Variants in PRKN observed in about 807,000 individuals in gnomAD.
The protein encoded by PRKN is parkin RBR E3 ubiquitin protein ligase.
PRKN carries 56 observed loss-of-function variants against 59.5 expected under a neutral mutation model. That is an observed-to-expected ratio of 0.94 (90% confidence interval 0.76 to 1.18). The LOEUF is 1.18. Ranked by LOEUF, PRKN falls within the 50% of genes most tolerant of loss-of-function variation. The pLI is 0.00. For missense variants in PRKN, 657 were observed against 596.4 expected (o/e 1.10, Z -1.06); for synonymous variants, 250 against 222.1 (o/e 1.13, Z -1.12).
intron 2 of PRKN, among the ~76,000 whole-genome samples, chr6:162,393,917 A>G (rs140530484): frequency 2.6e-5 from 4 of 152,344 alleles, no homozygotes; most frequent in African/African-American, 9.6e-5. Flanking sequence ...ACTAAACCAT[A>G]TTATTTCTCA....
intron 1 of PRKN, among the ~76,000 whole-genome samples, chr6:162,455,164 A>G (rs1260864601): frequency 6.6e-6 from 1 of 152,106 alleles, no homozygotes; most frequent in Non-Finnish European, 1.5e-5. Flanking sequence ...AATACTGAAG[A>G]TGACGGTATC....
intron 7 of PRKN, among the ~76,000 whole-genome samples, chr6:161,679,878 C>A (rs185560320): frequency 1.4e-4 from 22 of 151,740 alleles, no homozygotes; most frequent in Admixed American, 1.3e-3. Flanking sequence ...CCTCAGCCCC[C>A]CCAGGAGCTG....
intron 6 of PRKN, among the ~76,000 whole-genome samples, chr6:161,919,944 G>C (rs1778715504): frequency 6.6e-6 from 1 of 152,178 alleles, no homozygotes. Flanking sequence ...TACATTCTGA[G>C]AAATAGGTCT....
intron 7 of PRKN, among the ~76,000 whole-genome samples, chr6:161,612,408 A>C (rs1355510304): frequency 6.6e-6 from 1 of 152,160 alleles, no homozygotes; most frequent in African/African-American, 2.4e-5. Flanking sequence ...CATTCCAAAA[A>C]TGCTAGGGCC....
At chr6:162,419,285 C>G (rs78162852) in intron 2 of PRKN, among the ~76,000 whole-genome samples, 5 of 151,974 alleles carry the variant, frequency 3.3e-5, no homozygotes, top group African/African-American at 1.2e-4. Flanking sequence ...TCTTCCTCAA[C>G]AAAAGGCTGG....
intron 4 of PRKN, among the ~76,000 whole-genome samples, chr6:162,189,535 A>G (rs1398520253): frequency 6.6e-6 from 1 of 151,332 alleles, no homozygotes; most frequent in Non-Finnish European, 1.5e-5. Context: ...TCAAATAATA[A>G]TAATAGTAAT....
intron 4 of PRKN, among the ~76,000 whole-genome samples, chr6:162,191,591 T>C (rs1214454617): frequency 6.6e-6 from 1 of 152,124 alleles, no homozygotes; most frequent in Non-Finnish European, 1.5e-5. Context: ...TATAGGCACA[T>C]GCCACCACAG....
rs1376480880 is a variant in PRKN at position 161,397,626 on chromosome 6, A to T, written c.1084-10749T>A. Reference sequence around the variant, plus strand: ...GTCACCTCAAATTCAAGTCACTTCTAATTCCACGTGATTATCATGAAGTTG... The same window carrying T: ...GTCACCTCAAATTCAAGTCACTTCTTATTCCACGTGATTATCATGAAGTTG... On this transcript the variant is annotated intron_variant, in intron 9 of 11. Coordinates refer to ENST00000366898, the MANE Select transcript of PRKN (RefSeq NM_004562.3). The surrounding 1 kb of genome is among the most constrained non-coding windows in gnomAD (Gnocchi z 4.2). Among the ~76,000 whole-genome samples, 1 of 152,166 alleles carries T rather than the reference A, an allele frequency of 6.6e-6. No individual in the cohort carries two copies. The highest frequency in any genetic ancestry group is 1.5e-5 in the Non-Finnish European group (1 of 68,040).
At chr6:161,918,605 G>A (rs1396127539) in intron 6 of PRKN, among the ~76,000 whole-genome samples, 1 of 152,106 alleles carries the variant, frequency 6.6e-6, no homozygotes, top group Non-Finnish European at 1.5e-5. Flanking sequence ...TATAATCATG[G>A]TGCATTATCT....
At chr6:161,726,770 G>C (rs1297093213) in intron 7 of PRKN, among the ~76,000 whole-genome samples, 16 of 152,194 alleles carry the variant, frequency 1.1e-4, no homozygotes, top group Non-Finnish European at 2.9e-5. Context: ...GTCAGATAGA[G>C]AGATGCCCTA....
chr6:162,395,139 G>A (rs1787411090), intron 2 of PRKN, among the ~76,000 whole-genome samples: 1 of 152,092 alleles, frequency 6.6e-6, no homozygotes, highest in African/African-American at 2.4e-5. Context: ...GTTACTCTGG[G>A]ATAACTAGCC....
Position 162,556,342 on chromosome 6 carries a change from G to GGTGTGTGT in PRKN, c.8-112877_8-112870dup, listed in dbSNP as rs202002846. On this transcript the variant is annotated intron_variant, in intron 1 of 11. Transcript: ENST00000366898. The stretch of plus-strand genomic sequence containing the variant: ...GAAACCAAGCAGTAACTACTCAGCT[G>GGTGTGTGT]GTGTGTGTGTGTGTGTGTGTGTGTG... 9.7e-3 allele frequency among the ~76,000 whole-genome samples: 554 copies of GGTGTGTGT among 57,126 alleles called. 12 individuals are homozygous for GGTGTGTGT. Among genetic ancestry groups the GGTGTGTGT allele is most frequent in the East Asian group, 0.045 (59 of 1,304 alleles). 37.5% of individuals were successfully genotyped at this position (57,126 alleles called of 152,430 possible).
At chr6:161,441,069 C>A (rs1789192700) in intron 9 of PRKN, among the ~76,000 whole-genome samples, 1 of 152,134 alleles carries the variant, frequency 6.6e-6, no homozygotes, top group Non-Finnish European at 1.5e-5. Context: ...CAGCTAAACA[C>A]CATCAGGGGT....
chr6:162,312,990 T>C (rs1237687799), intron 2 of PRKN, among the ~76,000 whole-genome samples: 2 of 152,180 alleles, frequency 1.3e-5, no homozygotes, highest in Non-Finnish European at 2.9e-5. Flanking sequence ...ATATCACATA[T>C]ATACCTTAAA....
intron 5 of PRKN, among the ~76,000 whole-genome samples, chr6:161,989,941 G>A (rs117654177): frequency 6.6e-6 from 1 of 152,218 alleles, no homozygotes; most frequent in Middle Eastern, 3.4e-3. Context: ...ATCACCTGGA[G>A]GCCTGAGCAC....
At chr6:161,594,952 G>A (rs539649667) in intron 7 of PRKN, among the ~76,000 whole-genome samples, 2 of 152,282 alleles carry the variant, frequency 1.3e-5, no homozygotes, top group African/African-American at 4.8e-5. Context: ...ATCAATACAA[G>A]TTCTTCAACT....
chr6:161,698,549 A>G (rs1249551059), intron 7 of PRKN, among the ~76,000 whole-genome samples: 1 of 152,082 alleles, frequency 6.6e-6, no homozygotes, highest in African/African-American at 2.4e-5. Context: ...AACAACTAAC[A>G]CTATCTGCTT....
chr6:162,208,199 G>C (rs1201548371), intron 3 of PRKN, among the ~76,000 whole-genome samples: 1 of 152,144 alleles, frequency 6.6e-6, no homozygotes. Context: ...TTGTCCAATA[G>C]GTTATTACAC....
In PRKN at chr6:161,468,501, T is replaced by G. The variant is rs1246456038; in HGVS notation, c.1083+80353A>C. On this transcript the variant is annotated intron_variant, in intron 9 of 11. Coordinates refer to ENST00000366898, the MANE Select transcript of PRKN (RefSeq NM_004562.3). The surrounding 1 kb of genome is among the most constrained non-coding windows in gnomAD (Gnocchi z 5.9). ...ACTCCATTTTTGCCTCACTCCCCAT[T>G]TATTGACATGTGCTTATTAACATGT... Among the ~76,000 whole-genome samples the G allele has an allele frequency of 6.6e-6, 1 of 152,162 alleles. No individual in the cohort carries two copies. The highest frequency in any genetic ancestry group is 1.5e-5 in the Non-Finnish European group (1 of 68,024).
Sources: gnomAD v4.1 joint callset for allele counts (sites outside exome capture counted in the v4.1 genomes callset) on GRCh38, gnomAD v4.1.1 for gene constraint, Gnocchi (gnomAD v3.1) non-coding constraint, MANE v1.5 for transcripts, NCBI Gene and HGNC (gene_info 2026-07-23, HGNC 2026-07-21) for gene names.